RGS12: variants seen among roughly 807,000 people sequenced by gnomAD.
RGS12 encodes regulator of G-protein signaling 12.
In RGS12, 66 loss-of-function variants were observed where a neutral mutation model predicts 120.1. The ratio of observed to expected loss-of-function variants is 0.55; its 90% CI spans 0.45 to 0.67. The LOEUF (loss-of-function observed/expected upper bound fraction) is 0.67. RGS12 is among the 30% of genes least tolerant of loss of function. RGS12 has a pLI of 0.00. For missense variants in RGS12, 1,859 were observed against 1,957.7 expected, an observed-to-expected ratio of 0.95 and a Z score of 0.95; for synonymous variants, 827 against 804.7, an observed-to-expected ratio of 1.03 and a Z score of -0.47.
intron 2 of RGS12, among the ~76,000 whole-genome samples, chr4:3,321,343 C>T (rs1725174182): frequency 1.3e-5 from 2 of 151,932 alleles, no homozygotes; most frequent in Admixed American, 1.3e-4. Flanking sequence ...TGGTGGCTGT[C>T]CCCAGTCCCC....
At position 3,317,511 on chromosome 4, in the gene RGS12, G is replaced by A. The variant is rs760966538; in HGVS notation, c.1341G>A (p.Ser447=). Residue 447 remains serine, a synonymous_variant, in exon 2 of 18, where the codon TCG becomes TCA. Coordinates refer to ENST00000336727, the MANE Select transcript of RGS12 (RefSeq NM_001394154.1). ...TTGTGGTGGACCTGGGTGGGAGCTC[G>A]AGCAGACACGGCCCCGGAGGCAGCG... ...RVLVVDLGGS[S]SRHGPGGSAW... 20 of 1,612,724 alleles carry A rather than the reference G, an allele frequency of 1.2e-5. No individual in the cohort carries two copies. The highest frequency in any genetic ancestry group is 1.7e-4 in the Middle Eastern group (1 of 6,060).
chr4:3,290,083 C>T (rs929423298), upstream of RGS12, among the ~76,000 whole-genome samples: 3 of 152,178 alleles, frequency 2.0e-5, no homozygotes, highest in Non-Finnish European at 4.4e-5. Flanking sequence ...TTCCACATCC[C>T]GGCTATTGTG....
chr4:3,368,545 C>T (rs1274046894), intron 3 of RGS12, among the ~76,000 whole-genome samples: 3 of 69,928 alleles, frequency 4.3e-5, no homozygotes, highest in African/African-American at 6.0e-5. Context: ...GTGTGGGGTA[C>T]GTGTGTGGGG....
At chr4:3,340,763 G>GGTGCAGGCCA (rs1225478491) in intron 2 of RGS12, among the ~76,000 whole-genome samples, 291 of 23,582 alleles carry the variant, frequency 0.012, 3 homozygotes, top group African/African-American at 0.11. Context: ...GGTGCAGGCA[G>GGTGCAGGCCA]GTGCAGGCCG....
chr4:3,338,551 G>A (rs1009572991), intron 2 of RGS12, among the ~76,000 whole-genome samples: 2 of 152,232 alleles, frequency 1.3e-5, no homozygotes, highest in African/African-American at 4.8e-5. Flanking sequence ...AGGTTGATTG[G>A]CCTGAGGCCC....
chr4:3,312,539 A>AGACT, intron 1 of RGS12: 1 of 225,872 alleles, frequency 4.4e-6, no homozygotes, highest in East Asian at 1.1e-4. Flanking sequence ...ATCAGCATGT[A>AGACT]GGCTTAGACC....
At chr4:3,362,770 T>A (rs1715799143) in intron 3 of RGS12, among the ~76,000 whole-genome samples, 2 of 133,962 alleles carry the variant, frequency 1.5e-5, no homozygotes, top group African/African-American at 5.8e-5. Context: ...TGTGAGGGTG[T>A]GAGTTAGGGT....
chr4:3,412,673 C>T (rs1721867454), intron 4 of RGS12, among the ~76,000 whole-genome samples: 3 of 152,246 alleles, frequency 2.0e-5, no homozygotes, highest in South Asian at 4.1e-4. Context: ...TGTGAGGCTG[C>T]TCTGTCAGTC....
chr4:3,430,684 CCCTGGACCT>C lies in RGS12; in HGVS notation c.3849_3857del (p.Pro1284_Gly1286del), dbSNP rs1724183578. 1 of 1,580,890 alleles carries C rather than the reference CCCTGGACCT, an allele frequency of 6.3e-7. No homozygotes were observed. Among genetic ancestry groups the C allele is most frequent in the Admixed American group, 1.8e-5 (1 of 56,884 alleles). On this transcript the variant is annotated inframe_deletion, in exon 17 of 18. Transcript: ENST00000336727. ...CCAGCCCGGGCTCAGCCTCCAGCCC[CCCTGGACCT>C]CCTGGGACGACCCCCCCCGGGCAGA...
intron 4 of RGS12, among the ~76,000 whole-genome samples, chr4:3,393,642 G>A (rs146121629): frequency 1.3e-5 from 2 of 152,226 alleles, no homozygotes; most frequent in East Asian, 1.9e-4. Context: ...CTGTTGCTTC[G>A]CATATTTTGC....
intron 2 of RGS12, among the ~76,000 whole-genome samples, chr4:3,319,206 C>T (rs1360990811): frequency 6.6e-6 from 1 of 152,146 alleles, no homozygotes; most frequent in African/African-American, 2.4e-5. Flanking sequence ...AGGAAGCTCG[C>T]TTGAGCCCAG....
chr4:3,286,883 G>T, the RGS12 span, among the ~76,000 whole-genome samples: 3 of 152,208 alleles, frequency 2.0e-5, no homozygotes, highest in Non-Finnish European at 1.5e-5. Flanking sequence ...CAGTGCCTGC[G>T]GGAGCCGACG....
intron 3 of RGS12, among the ~76,000 whole-genome samples, chr4:3,380,332 G>T (rs1294953801): frequency 1.3e-5 from 2 of 152,234 alleles, no homozygotes; most frequent in East Asian, 3.8e-4. Context: ...TCACGGGTTG[G>T]CATTGAGCGT....
At chr4:3,403,571 T>C (rs900079945) in intron 4 of RGS12, among the ~76,000 whole-genome samples, 3 of 152,244 alleles carry the variant, frequency 2.0e-5, no homozygotes, top group Non-Finnish European at 4.4e-5. Flanking sequence ...ATCGATAGCA[T>C]GTAAACACTT....
At position 3,430,940 on chromosome 4, in the gene RGS12, G is replaced by C; in HGVS notation, c.4099G>C (p.Gly1367Arg). 6 of 1,612,710 alleles carry C rather than the reference G, an allele frequency of 3.7e-6. No individual in the cohort carries two copies. Among genetic ancestry groups the C allele is most frequent in the South Asian group, 1.1e-5 (1 of 91,082 alleles). Residue 1367 changes from glycine to arginine, a missense_variant, in exon 17 of 18, where the codon GGA becomes CGA. By Grantham distance (125) the Gly-to-Arg change is moderately radical (BLOSUM62 -2). Transcript: ENST00000336727. Reference sequence around the variant, plus strand: ...GCCCTCCACCCCCCAGGAAGTGCCAGGACCTTCCAGACCAGGTACCTCCAG... The same window carrying C: ...GCCCTCCACCCCCCAGGAAGTGCCACGACCTTCCAGACCAGGTACCTCCAG... ...PPPSTPQEVP[G>R]PSRPGSGTHG...
intron 4 of RGS12, chr4:3,407,258 T>C (rs1223997694): frequency 1.3e-5 from 2 of 152,266 alleles, no homozygotes; most frequent in African/African-American, 2.4e-5. Flanking sequence ...GAGGGGCTGC[T>C]GTGAATTATG....
intron 3 of RGS12, 85 bp from the exon 4 acceptor site, chr4:3,386,331 C>T: frequency 7.6e-7 from 1 of 1,315,936 alleles, no homozygotes. Flanking sequence ...GAGTCTGCCC[C>T]TTGTGTTCCT....
In RGS12 at chr4:3,439,621, G is replaced by C. The variant is rs913170061; in HGVS notation, c.4281G>C (p.Leu1427Phe). The change falls in exon 18 of 18, where the codon TTG becomes TTC. Residue 1427 changes from leucine (L) to phenylalanine (F), a missense_variant. By Grantham distance (22) the Leu-to-Phe change is conservative. Transcript: ENST00000336727. ...GGPPTSDLPG[L>F]GPVPGEPAKP... ...CTCCTACATCAGACCTCCCTGGCTT[G>C]GGCCCCGTCCCGGGTGAGCCTGCTA... 1.2e-6 allele frequency: 2 copies of C among 1,602,562 alleles called. No individual in the cohort carries two copies. The highest frequency in any genetic ancestry group is 1.1e-5 in the South Asian group (1 of 89,362).
At chr4:3,318,108 C>T (rs530314834) in intron 2 of RGS12, 57 bp downstream of exon 2, 45 of 1,474,574 alleles carry the variant, frequency 3.1e-5, no homozygotes, top group East Asian at 4.6e-5. Context: ...TTAGCAGTCA[C>T]GGGGAGGTGA....
Sources: allele counts gnomAD v4.1 joint callset (sites outside exome capture counted in the v4.1 genomes callset), GRCh38; gene constraint gnomAD v4.1.1; transcripts MANE v1.5; gene names NCBI Gene and HGNC (gene_info 2026-07-23, HGNC 2026-07-21).